The following CNTNAP2 variants were observed in gnomAD, a reference collection of about 807,000 sequenced individuals.
CNTNAP2 encodes the protein contactin-associated protein-like 2.
CNTNAP2 carries 98 observed loss-of-function variants against 155.2 expected under a neutral mutation model. The observed-to-expected ratio is 0.63, with a 90% CI of 0.54 to 0.75. CNTNAP2 has a LOEUF of 0.75. CNTNAP2 is among the 30% of genes least tolerant of loss of function. CNTNAP2 has a pLI of 0.00. For missense variants in CNTNAP2, 1,727 were observed against 1,688.1 expected, an observed-to-expected ratio of 1.02 and a Z score of -0.40; for synonymous variants, 651 against 631.2, an observed-to-expected ratio of 1.03 and a Z score of -0.47.
At chr7:147,421,717 G>T (rs1291490054) in intron 10 of CNTNAP2, among the ~76,000 whole-genome samples, 3 of 151,872 alleles carry the variant, frequency 2.0e-5, no homozygotes, top group Non-Finnish European at 4.4e-5. Context: ...TATCAATGGG[G>T]CCTGGTAGGA....
chr7:146,464,756 T>C (rs930568152), intron 1 of CNTNAP2, among the ~76,000 whole-genome samples: 1 of 152,140 alleles, frequency 6.6e-6, no homozygotes, highest in Non-Finnish European at 1.5e-5. Flanking sequence ...TAGCACACTA[T>C]GTTGGAAAGT....
chr7:146,798,000 G>T (rs991364399), intron 2 of CNTNAP2, among the ~76,000 whole-genome samples: 2 of 148,090 alleles, frequency 1.4e-5, no homozygotes, highest in African/African-American at 2.7e-5. Flanking sequence ...TTGGCCGAGT[G>T]TGGTGGCTTA....
At chr7:146,877,494 G>A (rs1795452164) in intron 3 of CNTNAP2, among the ~76,000 whole-genome samples, 1 of 151,580 alleles carries the variant, frequency 6.6e-6, no homozygotes. Context: ...AACAGAACAA[G>A]AGCCTGTCTG....
intron 20 of CNTNAP2, among the ~76,000 whole-genome samples, chr7:148,245,086 T>C (rs560491626): frequency 1.6e-3 from 241 of 152,292 alleles, no homozygotes; most frequent in African/African-American, 5.5e-3. Flanking sequence ...TGGAGTTGAT[T>C]GAGAATACTT....
chr7:146,480,830 C>T (rs1796949607), intron 1 of CNTNAP2, among the ~76,000 whole-genome samples: 1 of 151,378 alleles, frequency 6.6e-6, no homozygotes, highest in Non-Finnish European at 1.5e-5. Context: ...CTACAGGCGC[C>T]CATCACCGCG....
chr7:146,392,357 CAAAT>C (rs575951644), intron 1 of CNTNAP2, among the ~76,000 whole-genome samples: 5 of 149,892 alleles, frequency 3.3e-5, no homozygotes, highest in Non-Finnish European at 7.4e-5. Flanking sequence ...GTTTCACAAA[CAAAT>C]AAAAAATCAA....
rs372325511 is a variant in CNTNAP2 at position 146,357,225 on chromosome 7, A to G, written c.97+240252A>G. On this transcript the variant is annotated intron_variant, in intron 1 of 23. Transcript: ENST00000361727. Reference sequence around the variant, plus strand: ...AGCGCTTGGCCCTGTGACAACATACAGTGCTCCAAAAAAAAAAAAAAAAAA... The same window carrying G: ...AGCGCTTGGCCCTGTGACAACATACGGTGCTCCAAAAAAAAAAAAAAAAAA... 2.8e-4 allele frequency among the ~76,000 whole-genome samples: 35 copies of G among 126,610 alleles called. 1 individual carries two copies. Among genetic ancestry groups the G allele is most frequent in the African/African-American group, 5.2e-4 (15 of 28,972 alleles). The allele number at this position is 126,610 out of a possible 152,430, so 83.1% of individuals were successfully genotyped here. A position where few individuals can be genotyped will look rare whatever the true frequency, so the allele number is the denominator to read the frequency against.
chr7:146,615,324 C>T (rs1280080491), intron 1 of CNTNAP2, among the ~76,000 whole-genome samples: 1 of 152,144 alleles, frequency 6.6e-6, no homozygotes, highest in Non-Finnish European at 1.5e-5. Context: ...TGAGTCTTGC[C>T]AGTTATGTCC....
chr7:146,480,897 T>C (rs1400995994), intron 1 of CNTNAP2, among the ~76,000 whole-genome samples: 1 of 151,684 alleles, frequency 6.6e-6, no homozygotes, highest in Admixed American at 6.6e-5. Context: ...TTAGCCAGAA[T>C]GGTCTCGATC....
chr7:148,340,940 A>G (rs566448062), intron 21 of CNTNAP2, among the ~76,000 whole-genome samples: 3 of 152,390 alleles, frequency 2.0e-5, no homozygotes, highest in Admixed American at 6.5e-5. Flanking sequence ...GAGCTCTTCT[A>G]GTGCAAGTCA....
chr7:146,175,086 G>A (rs571400934), intron 1 of CNTNAP2, among the ~76,000 whole-genome samples: 6 of 152,070 alleles, frequency 3.9e-5, no homozygotes, highest in Admixed American at 2.0e-4. Flanking sequence ...CCAAGCTATC[G>A]GCTGAAACCA....
chr7:146,241,607 C>T (rs1363989759), intron 1 of CNTNAP2, among the ~76,000 whole-genome samples: 1 of 130,488 alleles, frequency 7.7e-6, no homozygotes, highest in Non-Finnish European at 1.5e-5. Context: ...ATTAATGTGA[C>T]ATTTTTTTTA....
intron 22 of CNTNAP2, among the ~76,000 whole-genome samples, chr7:148,403,186 A>G (rs902886735): frequency 2.0e-5 from 3 of 150,518 alleles, no homozygotes; most frequent in Admixed American, 6.6e-5. Flanking sequence ...CCCATCATCA[A>G]TTCCTCCAGC....
chr7:147,586,062 G>A (rs1343521799), intron 12 of CNTNAP2, among the ~76,000 whole-genome samples: 1 of 152,118 alleles, frequency 6.6e-6, no homozygotes, highest in Non-Finnish European at 1.5e-5. Context: ...AAGGAGTTAG[G>A]GGGCAGGGGC....
intron 20 of CNTNAP2, among the ~76,000 whole-genome samples, 166 bp from the exon 21 acceptor site, chr7:148,266,867 G>A (rs183746114): frequency 1.3e-5 from 2 of 152,130 alleles, no homozygotes; most frequent in Admixed American, 6.5e-5. Flanking sequence ...AGCAAAGGAA[G>A]ACATGGGTTT....
intron 10 of CNTNAP2, among the ~76,000 whole-genome samples, chr7:147,451,716 C>G (rs1392586907): frequency 1.3e-5 from 2 of 148,546 alleles, no homozygotes; most frequent in Non-Finnish European, 3.0e-5. Flanking sequence ...GATAAGAATC[C>G]TTTGTATTCC....
At chr7:146,462,719 A>T (rs916576245) in intron 1 of CNTNAP2, among the ~76,000 whole-genome samples, 4 of 152,198 alleles carry the variant, frequency 2.6e-5, no homozygotes, top group Non-Finnish European at 4.4e-5. Context: ...GGATAAATAC[A>T]CATGAGGCCC....
At chr7:146,633,861 A>C (rs951806010) in intron 1 of CNTNAP2, among the ~76,000 whole-genome samples, 1 of 150,210 alleles carries the variant, frequency 6.7e-6, no homozygotes, top group Admixed American at 6.6e-5. Context: ...AAAAAACAGA[A>C]ACGTCTAAGT....
intron 1 of CNTNAP2, among the ~76,000 whole-genome samples, chr7:146,223,868 C>T (rs894835033): frequency 1.4e-4 from 21 of 152,158 alleles, no homozygotes; most frequent in Non-Finnish European, 1.0e-4. Flanking sequence ...ATAATAAGTA[C>T]ATATAAGCCT....
Sources: gnomAD v4.1 joint callset for allele counts (sites outside exome capture counted in the v4.1 genomes callset) on GRCh38, gnomAD v4.1.1 for gene constraint, MANE v1.5 for transcripts, NCBI Gene and HGNC (gene_info 2026-07-23, HGNC 2026-07-21) for gene names.